The following ZNF81 variants were observed in gnomAD, a reference collection of about 807,000 sequenced individuals.
ZNF81 encodes the protein zinc finger protein 81 (HFZ20).
ZNF81 carries 5 observed loss-of-function variants against 32.3 expected under a neutral mutation model. The ratio of observed to expected loss-of-function variants is 0.15; its 90% CI spans 0.08 to 0.33. ZNF81 has a LOEUF of 0.33. Ranked by LOEUF, ZNF81 falls within the 10% of genes least tolerant of loss-of-function variation. The pLI is 1.00. For missense variants in ZNF81, 379 were observed against 479.8 expected (o/e 0.79, Z 1.96); for synonymous variants, 163 against 166.8 (o/e 0.98, Z 0.17).
rs782551500 is a variant in ZNF81, at chrX:47,855,216, TA to T, written c.54+8903del. On this transcript the variant is annotated intron_variant, in intron 2 of 4. Transcript: ENST00000338637. ...AAAAAAACCCCCAAATCTTCCACCT[TA>T]AAAAAAAGAGAAGAAACAGATATAA... Among the ~76,000 whole-genome samples, 478 of 109,429 alleles carry T rather than the reference TA, an allele frequency of 4.4e-3. 3 individuals are homozygous for T. The highest frequency in any genetic ancestry group is 0.015 in the African/African-American group (441 of 30,282).
In ZNF81 at chrX:47,923,547, G is replaced by T. The variant is rs181285569; in HGVS notation, c.*6915G>T. ...TCAATTCATATGAGGATGGAAAATTGGTTCTTGATTTTATGACACAGAGGT... is the reference window on the plus strand; with the variant it reads ...TCAATTCATATGAGGATGGAAAATTTGTTCTTGATTTTATGACACAGAGGT... On this transcript the variant is annotated 3_prime_UTR_variant, in exon 5 of 5. Coordinates refer to ENST00000338637, the MANE Select transcript of ZNF81 (RefSeq NM_007137.5). Among the ~76,000 whole-genome samples, 1 of 111,976 alleles carries T rather than the reference G, an allele frequency of 8.9e-6. No individual in the cohort carries two copies. The highest frequency in any genetic ancestry group is 9.4e-5 in the Admixed American group (1 of 10,618).
At chrX:47,850,408 A>G (rs2058489242) in intron 2 of ZNF81, among the ~76,000 whole-genome samples, 1 of 110,599 alleles carries the variant, frequency 9.0e-6, no homozygotes, top group Non-Finnish European at 1.9e-5. Flanking sequence ...TACATTGAAC[A>G]TAATATTGAG....
chrX:47,851,092 T>C (rs886098930), intron 2 of ZNF81, among the ~76,000 whole-genome samples: 1 of 112,201 alleles, frequency 8.9e-6, no homozygotes, highest in African/African-American at 3.2e-5. Context: ...CTTATTCTAT[T>C]ATATGAATAT....
At position 47,924,773 on chromosome X, in the gene ZNF81, A is replaced by C. The variant is rs992018690; in HGVS notation, c.*8141A>C. 1.8e-5 allele frequency among the ~76,000 whole-genome samples: 2 copies of C among 111,645 alleles called. No homozygotes were observed. Among genetic ancestry groups the C allele is most frequent in the East Asian group, 5.6e-4 (2 of 3,587 alleles). On this transcript the variant is annotated 3_prime_UTR_variant, in exon 5 of 5. Coordinates refer to ENST00000338637, the MANE Select transcript of ZNF81 (RefSeq NM_007137.5). The stretch of plus-strand genomic sequence containing the variant: ...TCTCCCTCCCTGGAGACTTTCCCAG[A>C]GAAGATTTGGTTGCATTCCAGGTTA...
intron 4 of ZNF81, among the ~76,000 whole-genome samples, chrX:47,906,409 T>C (rs2058721090): frequency 1.1e-5 from 1 of 89,961 alleles, no homozygotes; most frequent in African/African-American, 3.9e-5. Context: ...AGTAGCCACT[T>C]TCTGTATAAA....
chrX:47,846,160 G>A lies in ZNF81; in HGVS notation c.-108G>A. The A allele has an allele frequency of 1.1e-6, 1 of 944,850 alleles. No homozygotes were observed. Among genetic ancestry groups the A allele is most frequent in the East Asian group, 3.4e-5 (1 of 29,703 alleles). The allele number at this position is 944,850 out of a possible 1,213,427, so 77.9% of individuals were successfully genotyped here. A position where few individuals can be genotyped will look rare whatever the true frequency, so the allele number is the denominator to read the frequency against. ...CCAGATCTCACAGTGAAAGCTGCAGGATCTTCCTTCTGACCCCAGCAGTCC... is the reference window on the plus strand; with the variant it reads ...CCAGATCTCACAGTGAAAGCTGCAGAATCTTCCTTCTGACCCCAGCAGTCC... On this transcript the variant is annotated 5_prime_UTR_variant, in exon 2 of 5. Transcript: ENST00000338637.
At position 47,850,271 on chromosome X, in the gene ZNF81, G is replaced by A. The variant is rs1017262607; in HGVS notation, c.54+3950G>A. On this transcript the variant is annotated intron_variant, in intron 2 of 4. Transcript: ENST00000338637. ...CTCATACTTGTAATCCCAACACTTT[G>A]AGAAGCTGAGGCAGGAAGATCATTA... Among the ~76,000 whole-genome samples the A allele has an allele frequency of 4.7e-5, 5 of 106,161 alleles. No homozygotes were observed. The East Asian group carries it at 1.5e-3, about 32-fold the overall frequency. 92.2% of individuals were successfully genotyped at this position (106,161 alleles called of 115,157 possible).
intron 2 of ZNF81, among the ~76,000 whole-genome samples, 180 bp from the exon 3 acceptor site, chrX:47,887,819 A>G (rs1489194476): frequency 8.9e-6 from 1 of 112,153 alleles, no homozygotes; most frequent in Non-Finnish European, 1.9e-5. Flanking sequence ...GCAGAAATTT[A>G]TGATTAGATT....
At chrX:47,896,022 G>A (rs781870803) in intron 4 of ZNF81, 82 bp downstream of exon 4, 3 of 731,512 alleles carry the variant, frequency 4.1e-6, no homozygotes, top group Non-Finnish European at 6.2e-6. Context: ...TTAAAATGCT[G>A]TTATTGCTTA....
chrX:47,907,735 T>C (rs2058725662), intron 4 of ZNF81, among the ~76,000 whole-genome samples: 1 of 111,882 alleles, frequency 8.9e-6, no homozygotes, highest in African/African-American at 3.2e-5. Context: ...CTTACAGGCC[T>C]TAAAAGGATA....
At chrX:47,881,389 C>G (rs2058620150) in intron 2 of ZNF81, among the ~76,000 whole-genome samples, 1 of 112,095 alleles carries the variant, frequency 8.9e-6, no homozygotes, top group Non-Finnish European at 1.9e-5. Context: ...CCTACTTTCT[C>G]TAACAAATCT....
intron 2 of ZNF81, among the ~76,000 whole-genome samples, chrX:47,847,918 A>T (rs1016293939): frequency 5.0e-5 from 5 of 100,094 alleles, no homozygotes; most frequent in South Asian, 4.6e-4. Flanking sequence ...ATTAGAAATA[A>T]TTTTTTTTTT....
At chrX:47,851,576 T>C (rs1404006569) in intron 2 of ZNF81, among the ~76,000 whole-genome samples, 2 of 111,973 alleles carry the variant, frequency 1.8e-5, no homozygotes, top group South Asian at 3.7e-4. Context: ...CCTTTTCCCA[T>C]TTTTCTATTA....
At chrX:47,885,189 A>AT (rs2058636836) in intron 2 of ZNF81, among the ~76,000 whole-genome samples, 1 of 110,676 alleles carries the variant, frequency 9.0e-6, no homozygotes, top group African/African-American at 3.3e-5. Flanking sequence ...ATTTGGGGGG[A>AT]TTTTTTGTTT....
intron 1 of ZNF81, among the ~76,000 whole-genome samples, chrX:47,839,046 A>G (rs1411556057): frequency 8.9e-6 from 1 of 111,869 alleles, no homozygotes; most frequent in Non-Finnish European, 1.9e-5. Flanking sequence ...CAGCCTCTCA[A>G]AGTGCTGGGA....
chrX:47,872,391 C>G (rs1556884005), intron 2 of ZNF81, among the ~76,000 whole-genome samples: 8 of 111,698 alleles, frequency 7.2e-5, no homozygotes. Flanking sequence ...ACAGATCCCT[C>G]CAGTGAGACA....
Position 47,846,297 on chromosome X carries a change from A to G in ZNF81, c.30A>G (p.Pro10=). Reference sequence around the variant, plus strand: ...CAGCTAACGAGGACGCTCCCCAGCCAGGGGAACATGGCAGTGCCTGTGAGG... The same window carrying G: ...CAGCTAACGAGGACGCTCCCCAGCCGGGGGAACATGGCAGTGCCTGTGAGG... MPANEDAPQ[P]GEHGSACEVS... Residue 10 remains proline (P), a synonymous_variant, in exon 2 of 5, where the codon CCA becomes CCG. Coordinates refer to ENST00000338637, the MANE Select transcript of ZNF81 (RefSeq NM_007137.5). 1 of 1,209,842 alleles carries G rather than the reference A, an allele frequency of 8.3e-7. No homozygotes were observed. The highest frequency in any genetic ancestry group is 1.1e-6 in the Non-Finnish European group (1 of 895,013).
Position 47,882,715 on chromosome X carries a change from G to A in ZNF81, c.55-5284G>A, listed in dbSNP as rs960733166. On this transcript the variant is annotated intron_variant, in intron 2 of 4. Coordinates refer to ENST00000338637, the MANE Select transcript of ZNF81 (RefSeq NM_007137.5). ...ATTAGAAATTGTCAAACAAGGTCTG[G>A]CACAGTGGCTCAGGCCTGTAATCCC... Among the ~76,000 whole-genome samples, 30 of 113,076 alleles carry A rather than the reference G, an allele frequency of 2.7e-4. 1 individual carries two copies. Among genetic ancestry groups the A allele is most frequent in the African/African-American group, 9.6e-4 (30 of 31,139 alleles).
At chrX:47,849,394 G>A (rs782148146) in intron 2 of ZNF81, among the ~76,000 whole-genome samples, 13 of 111,611 alleles carry the variant, frequency 1.2e-4, no homozygotes, top group African/African-American at 2.0e-4. Flanking sequence ...ACAGCTGGGC[G>A]CGGTGGCTCA....
Sources: gnomAD v4.1 joint callset for allele counts (sites outside exome capture counted in the v4.1 genomes callset) on GRCh38, gnomAD v4.1.1 for gene constraint, MANE v1.5 for transcripts, NCBI Gene and HGNC (gene_info 2026-07-23, HGNC 2026-07-21) for gene names.